Variants in LRP1B observed in about 807,000 individuals in gnomAD.
LRP1B encodes the protein low-density lipoprotein receptor-related protein 1B.
Under a neutral mutation model 556.6 loss-of-function variants are expected in LRP1B, and 217 were observed. That is an observed-to-expected ratio of 0.39 (90% confidence interval 0.35 to 0.44). The LOEUF is 0.44. LRP1B is among the 20% of genes least tolerant of loss of function. The pLI is 1.00. For missense variants in LRP1B, 5,053 were observed against 5,620.8 expected, an observed-to-expected ratio of 0.90 and a Z score of 3.23; for synonymous variants, 2,047 against 1,865.8, an observed-to-expected ratio of 1.10 and a Z score of -2.50.
At chr2:141,102,956 TTAA>T (rs1663790222) in intron 7 of LRP1B, among the ~76,000 whole-genome samples, 1 of 152,156 alleles carries the variant, frequency 6.6e-6, no homozygotes, top group African/African-American at 2.4e-5. Flanking sequence ...TCCATTTCTG[TTAA>T]TAACAAGATA....
intron 3 of LRP1B, among the ~76,000 whole-genome samples, chr2:141,256,809 T>C (rs186036874): frequency 2.6e-4 from 40 of 152,144 alleles, no homozygotes; most frequent in African/African-American, 9.1e-4. Flanking sequence ...GGTCTATCTT[T>C]GAAGAGAAGT....
Position 140,630,292 on chromosome 2 carries a change from A to G in LRP1B, c.6800-28653T>C, listed in dbSNP as rs112606931. On this transcript the variant is annotated intron_variant, in intron 41 of 90. Transcript: ENST00000389484. Reference sequence around the variant, plus strand: ...AGAGCATAGTGATTAAGAGTAAAGAATCAGACTAGTTTCAGCTCCAGCATG... The same window carrying G: ...AGAGCATAGTGATTAAGAGTAAAGAGTCAGACTAGTTTCAGCTCCAGCATG... Among the ~76,000 whole-genome samples, 1,468 of 152,344 alleles carry G rather than the reference A, an allele frequency of 9.6e-3. 20 individuals are homozygous for G. Among genetic ancestry groups the G allele is most frequent in the Non-Finnish European group, 0.012 (849 of 68,026 alleles).
chr2:140,374,643 A>G (rs1683141028), intron 68 of LRP1B, among the ~76,000 whole-genome samples: 1 of 152,158 alleles, frequency 6.6e-6, no homozygotes, highest in Non-Finnish European at 1.5e-5. Context: ...TTCAGTACAA[A>G]CTGCTGAGTG....
At chr2:141,644,246 G>A (rs933379654) in intron 2 of LRP1B, among the ~76,000 whole-genome samples, 34 of 152,046 alleles carry the variant, frequency 2.2e-4, no homozygotes, top group African/African-American at 8.2e-4. Context: ...CCCGGTGGGA[G>A]GTAATTGAAG....
rs115589677 is a variant in LRP1B at position 140,808,713 on chromosome 2, A to G, written c.5359+4944T>C. The stretch of plus-strand genomic sequence containing the variant: ...GCACTGATAAATGCTTGCTGAAAGA[A>G]TGAAAGAATGAATGGCAATAGATAT... On this transcript the variant is annotated intron_variant, in intron 32 of 90. Transcript: ENST00000389484. Among the ~76,000 whole-genome samples, 642 of 152,328 alleles carry G rather than the reference A, an allele frequency of 4.2e-3. 2 individuals carry two copies. Among genetic ancestry groups the G allele is most frequent in the African/African-American group, 0.014 (574 of 41,586 alleles).
chr2:141,550,092 C>A (rs921724035), intron 2 of LRP1B, among the ~76,000 whole-genome samples: 1 of 152,188 alleles, frequency 6.6e-6, no homozygotes, highest in Non-Finnish European at 1.5e-5. Context: ...TGACTACATG[C>A]ATTTTATGTT....
chr2:142,108,057 T>C (rs945219441), intron 1 of LRP1B, among the ~76,000 whole-genome samples: 5 of 151,046 alleles, frequency 3.3e-5, no homozygotes, highest in Admixed American at 2.0e-4. Flanking sequence ...AAAGTTCTTA[T>C]AGTTTGGGTA....
At chr2:141,058,594 T>C (rs958498831) in intron 9 of LRP1B, among the ~76,000 whole-genome samples, 5 of 151,856 alleles carry the variant, frequency 3.3e-5, no homozygotes, top group Admixed American at 6.6e-5. Flanking sequence ...ATAATAACTT[T>C]AGCATCTGGG....
intron 43 of LRP1B, among the ~76,000 whole-genome samples, chr2:140,582,425 A>G (rs1681805930): frequency 6.6e-6 from 1 of 152,208 alleles, no homozygotes; most frequent in South Asian, 2.1e-4. Flanking sequence ...AAGCAGGGTT[A>G]TAATTGGTGC....
At chr2:140,840,794 C>CTT in intron 30 of LRP1B, 124 bp downstream of exon 30, 2 of 648,628 alleles carry the variant, frequency 3.1e-6, no homozygotes, top group Non-Finnish European at 4.8e-6. Context: ...TCCATATTTA[C>CTT]TTTTTTTTTA....
chr2:140,851,673 A>G lies in LRP1B; in HGVS notation c.4690T>C (p.Ser1564Pro), dbSNP rs373291529. ...TTACCATAGCAGGTCTTCTTGTCTG[A>G]AGAAAGCTTCATCAAGTGGGGGCAC... The part of the protein sequence containing the change: ...CACPHLMKLS[S>P]DKKTCYEMKK... The change falls in exon 28 of 91, where the codon TCA becomes CCA. Residue 1564 changes from serine to proline, a missense_variant. Physicochemically the swap from Ser to Pro is moderately conservative, Grantham distance 74. Coordinates refer to ENST00000389484, the MANE Select transcript of LRP1B (RefSeq NM_018557.3). 12 of 1,610,376 alleles carry G rather than the reference A, an allele frequency of 7.5e-6. No individual in the cohort carries two copies. The highest frequency in any genetic ancestry group is 1.0e-5 in the Non-Finnish European group (12 of 1,178,796).
rs577835606 is a variant in LRP1B, at chr2:141,447,666, G to A, written c.343+32730C>T. 3.3e-5 allele frequency among the ~76,000 whole-genome samples: 5 copies of A among 152,200 alleles called. No homozygotes were observed. In the East Asian group the frequency reaches 9.7e-4, roughly 30 times the overall value. On this transcript the variant is annotated intron_variant, in intron 3 of 90. Transcript: ENST00000389484. ...TGTTAGTTTTCCTTCTAACAGCCAG[G>A]CCCCTCTGCTGCAGGTCTGCTGGAG...
chr2:141,095,266 G>T (rs1700268984), intron 7 of LRP1B, among the ~76,000 whole-genome samples: 1 of 141,132 alleles, frequency 7.1e-6, no homozygotes, highest in South Asian at 2.3e-4. Flanking sequence ...CACCATAAGA[G>T]AAAGAGGCAG....
intron 3 of LRP1B, among the ~76,000 whole-genome samples, chr2:141,266,159 C>A (rs1684879976): frequency 6.6e-6 from 1 of 152,018 alleles, no homozygotes; most frequent in Non-Finnish European, 1.5e-5. Flanking sequence ...CTGGTCCCTA[C>A]CAAAAATACA....
intron 87 of LRP1B, among the ~76,000 whole-genome samples, chr2:140,245,727 AT>A (rs1156847975): frequency 1.3e-5 from 2 of 151,278 alleles, no homozygotes; most frequent in East Asian, 3.9e-4. Flanking sequence ...GAGATAAAGT[AT>A]TTTTTCTTTT....
intron 14 of LRP1B, among the ~76,000 whole-genome samples, chr2:141,012,413 A>T (rs139500069): frequency 2.5e-3 from 383 of 152,176 alleles, no homozygotes; most frequent in Middle Eastern, 6.8e-3. Context: ...GCTCTTGCTC[A>T]GTATAGGCAA....
Position 142,008,917 on chromosome 2 carries a change from T to TAAGC in LRP1B, c.82+121730_82+121731insGCTT, listed in dbSNP as rs1397710002. 5.0e-3 allele frequency among the ~76,000 whole-genome samples: 754 copies of TAAGC among 152,296 alleles called. 7 individuals carry two copies. The highest frequency in any genetic ancestry group is 0.017 in the African/African-American group (717 of 41,566). On this transcript the variant is annotated intron_variant, in intron 1 of 90. Transcript: ENST00000389484. ...ATTCCACATTCTAAATCTGTAGCTTTAGTCTTGCTCTTCATCACAGTTCAG... is the reference window on the plus strand; with the variant it reads ...ATTCCACATTCTAAATCTGTAGCTTTAAGCAGTCTTGCTCTTCATCACAGTTCAG...
intron 1 of LRP1B, among the ~76,000 whole-genome samples, chr2:142,073,329 A>C (rs796124681): frequency 3.3e-5 from 5 of 152,156 alleles, no homozygotes; most frequent in African/African-American, 1.2e-4. Context: ...TAGAGACCAA[A>C]TGTAAAATGT....
intron 3 of LRP1B, among the ~76,000 whole-genome samples, chr2:141,320,987 A>G (rs1237092055): frequency 6.6e-6 from 1 of 152,124 alleles, no homozygotes; most frequent in African/African-American, 2.4e-5. Flanking sequence ...ATAAGATATA[A>G]CAAAATATTT....
Sources: allele counts gnomAD v4.1 joint callset (sites outside exome capture counted in the v4.1 genomes callset), GRCh38; gene constraint gnomAD v4.1.1; transcripts MANE v1.5; gene names NCBI Gene and HGNC (gene_info 2026-07-23, HGNC 2026-07-21).